The following HMGXB4 variants were observed in gnomAD, a reference collection of about 807,000 sequenced individuals.
The protein encoded by HMGXB4 is HMG-box containing 4.
HMGXB4 carries 27 observed loss-of-function variants against 63.9 expected under a neutral mutation model. The observed-to-expected ratio is 0.42, with a 90% CI of 0.31 to 0.58. The LOEUF (loss-of-function observed/expected upper bound fraction) is 0.58. HMGXB4 is among the 20% of genes least tolerant of loss of function. The pLI is 0.13. For missense variants in HMGXB4, 624 were observed against 700.7 expected, an observed-to-expected ratio of 0.89 and a Z score of 1.24; for synonymous variants, 264 against 265.3, an observed-to-expected ratio of 0.99 and a Z score of 0.05.
intron 3 of HMGXB4, among the ~76,000 whole-genome samples, 164 bp from the exon 4 acceptor site, chr22:35,263,632 A>AT (rs895012920): frequency 2.2e-4 from 34 of 152,332 alleles, no homozygotes; most frequent in African/African-American, 8.2e-4. Context: ...AGAAGGAAGT[A>AT]TTTTTTAATA....
Position 35,293,955 on chromosome 22 carries a change from T to G in HMGXB4, c.*304T>G, listed in dbSNP as rs1227637261. On this transcript the variant is annotated 3_prime_UTR_variant, in exon 11 of 11. Coordinates refer to ENST00000216106, the MANE Select transcript of HMGXB4 (RefSeq NM_001003681.3). ...TTAAAAATCAATGTAACTTGGGGGC[T>G]GGGGGCTTGTTCTGGGTGCCAAGCG... is the stretch of plus-strand genomic sequence containing the variant. 5.1e-6 allele frequency: 1 copy of G among 194,434 alleles called. No individual in the cohort carries two copies. The highest frequency in any genetic ancestry group is 2.3e-5 in the African/African-American group (1 of 42,816). 12.0% of individuals were successfully genotyped at this position (194,434 alleles called of 1,614,324 possible).
intron 9 of HMGXB4, among the ~76,000 whole-genome samples, chr22:35,290,189 CAGTT>C (rs1213163060): frequency 6.6e-6 from 1 of 152,110 alleles, no homozygotes; most frequent in African/African-American, 2.4e-5. Flanking sequence ...GAAGTAAAAA[CAGTT>C]TGTTTTAAGC....
At chr22:35,281,985 G>A (rs1924268747) in intron 5 of HMGXB4, among the ~76,000 whole-genome samples, 1 of 152,108 alleles carries the variant, frequency 6.6e-6, no homozygotes, top group African/African-American at 2.4e-5. Flanking sequence ...TTTGAGGGTC[G>A]TTATTTTATG....
the HMGXB4 span, among the ~76,000 whole-genome samples, chr22:35,250,316 C>T: frequency 6.6e-6 from 1 of 152,202 alleles, no homozygotes; most frequent in East Asian, 1.9e-4. Context: ...GCATCTGCTT[C>T]TAGTGACGAA....
chr22:35,292,935 C>T, intron 9 of HMGXB4, 57 bp from the exon 10 acceptor site: 1 of 1,609,910 alleles, frequency 6.2e-7, no homozygotes, highest in South Asian at 1.1e-5. Context: ...GTGAGGAAGT[C>T]AGCCGGAACA....
chr22:35,275,479 T>G (rs1185208449), intron 5 of HMGXB4, among the ~76,000 whole-genome samples: 1 of 152,220 alleles, frequency 6.6e-6, no homozygotes. Flanking sequence ...AAATATTGTA[T>G]TCTTTAAAAC....
the HMGXB4 span, among the ~76,000 whole-genome samples, chr22:35,244,579 T>A: frequency 1.2e-3 from 187 of 152,372 alleles, 1 homozygote; most frequent in African/African-American, 4.4e-3. Context: ...GGCATACTTA[T>A]ACTGGTCCAA....
At chr22:35,282,275 C>T (rs967598979) in intron 5 of HMGXB4, among the ~76,000 whole-genome samples, 2 of 152,214 alleles carry the variant, frequency 1.3e-5, no homozygotes, top group Non-Finnish European at 2.9e-5. Flanking sequence ...CTCCCGGGTT[C>T]ACACCATTCT....
Position 35,265,520 on chromosome 22 carries a change from C to T in HMGXB4, c.1132C>T (p.Leu378Phe). The T allele has an allele frequency of 6.2e-7, 1 of 1,613,620 alleles. No homozygotes were observed. Among genetic ancestry groups the T allele is most frequent in the Non-Finnish European group, 8.5e-7 (1 of 1,179,950 alleles). The change falls in exon 5 of 11, where the codon CTT (leucine) becomes TTT (phenylalanine). Residue 378 changes from leucine (L) to phenylalanine (F), a missense_variant. By Grantham distance (22) the Leu-to-Phe change is conservative. Around this residue, in one of 2 missense-constraint regions of HMGXB4, gnomAD observed 472 missense variants for 470.6 expected, o/e 1.00. Transcript: ENST00000216106. ...TGGAGCAGCAGCACCTCCCCTGCCA[C>T]TTCCTGGCCTCCACACAGATGGGCA... ...YAGAAAPPLP[L>F]PGLHTDGHSE...
chr22:35,292,194 C>T (rs1236157845), intron 9 of HMGXB4, among the ~76,000 whole-genome samples: 1 of 152,156 alleles, frequency 6.6e-6, no homozygotes, highest in African/African-American at 2.4e-5. Context: ...GTATTAAGCA[C>T]CATCCCAAGT....
chr22:35,271,864 G>A (rs537142377), intron 5 of HMGXB4, among the ~76,000 whole-genome samples: 1 of 152,300 alleles, frequency 6.6e-6, no homozygotes, highest in African/African-American at 2.4e-5. Flanking sequence ...AAAGCCAAGT[G>A]TGTGTGCTCT....
intron 2 of HMGXB4, chr22:35,262,671 A>G (rs575951690): frequency 1.1e-5 from 6 of 551,094 alleles, no homozygotes; most frequent in African/African-American, 5.7e-5. Flanking sequence ...CCCCTGCAGC[A>G]CTCTTGGTCC....
upstream of HMGXB4, among the ~76,000 whole-genome samples, chr22:35,253,609 G>A (rs1004661104): frequency 6.6e-5 from 10 of 151,920 alleles, no homozygotes; most frequent in South Asian, 6.3e-4. Flanking sequence ...GTGCGCGCGC[G>A]CGCGCGCGTG....
intron 10 of HMGXB4, 82 bp downstream of exon 10, chr22:35,293,196 T>C (rs1925033184): frequency 6.0e-6 from 9 of 1,499,664 alleles, no homozygotes; most frequent in Non-Finnish European, 7.4e-6. Context: ...CAGACACACA[T>C]AAGGCTTTGT....
At chr22:35,244,755 C>T in the HMGXB4 span, among the ~76,000 whole-genome samples, 1 of 152,166 alleles carries the variant, frequency 6.6e-6, no homozygotes, top group Non-Finnish European at 1.5e-5. Flanking sequence ...TATGAGGTCC[C>T]GTTCCGGCCA....
chr22:35,282,323 C>CCTG (rs1178419267), intron 5 of HMGXB4, among the ~76,000 whole-genome samples: 4 of 152,108 alleles, frequency 2.6e-5, no homozygotes, highest in Non-Finnish European at 4.4e-5. Context: ...ACTACAGGCG[C>CCTG]CCACCACCAT....
At chr22:35,248,733 C>T in the HMGXB4 span, among the ~76,000 whole-genome samples, 10 of 152,124 alleles carry the variant, frequency 6.6e-5, no homozygotes, top group Non-Finnish European at 1.2e-4. Context: ...AACCAGATCT[C>T]TAGTGAACCA....
intron 5 of HMGXB4, among the ~76,000 whole-genome samples, chr22:35,282,343 A>G (rs1484494785): frequency 6.6e-6 from 1 of 152,012 alleles, no homozygotes; most frequent in Non-Finnish European, 1.5e-5. Flanking sequence ...TGCCCGGCTA[A>G]TTTTTTATAT....
At chr22:35,249,271 C>A in the HMGXB4 span, among the ~76,000 whole-genome samples, 19 of 97,714 alleles carry the variant, frequency 1.9e-4, 2 homozygotes, top group African/African-American at 4.9e-4. Context: ...GTTGACCAGG[C>A]TGGTCCCGAA....
Sources: gnomAD v4.1 joint callset for allele counts (sites outside exome capture counted in the v4.1 genomes callset) on GRCh38, gnomAD v4.1.1 for gene constraint, gnomAD v4.1.1 regional missense constraint, MANE v1.5 for transcripts, NCBI Gene and HGNC (gene_info 2026-07-23, HGNC 2026-07-21) for gene names.